Variants in BCL2L11 observed in about 807,000 individuals in gnomAD.
The protein encoded by BCL2L11 is bcl-2-like protein 11.
BCL2L11 carries 15 observed loss-of-function variants against 20.6 expected under a neutral mutation model. The ratio of observed to expected loss-of-function variants is 0.73; its 90% confidence interval spans 0.49 to 1.12. The LOEUF is 1.12. Ranked by LOEUF, BCL2L11 falls within the 50% of genes most tolerant of loss-of-function variation. BCL2L11 has a pLI of 0.00. For missense variants in BCL2L11, 292 were observed against 260.9 expected, an observed-to-expected ratio of 1.12 and a Z score of -0.82; for synonymous variants, 108 against 92.8, an observed-to-expected ratio of 1.16 and a Z score of -0.94.
chr2:111,139,286 TG>T (rs1363708860), intron 2 of BCL2L11, among the ~76,000 whole-genome samples: 1 of 152,194 alleles, frequency 6.6e-6, no homozygotes, highest in African/African-American at 2.4e-5. Flanking sequence ...ACCCCAGCGC[TG>T]TCTGAATTGG....
intron 2 of BCL2L11, among the ~76,000 whole-genome samples, chr2:111,127,214 T>C (rs532003958): frequency 6.6e-6 from 1 of 152,256 alleles, no homozygotes; most frequent in Admixed American, 6.5e-5. Context: ...AGTGCCTTTT[T>C]GGATGAGTGT....
intron 1 of BCL2L11, chr2:111,123,440 A>G (rs1037471030): frequency 1.0e-6 from 1 of 985,330 alleles, no homozygotes; most frequent in African/African-American, 1.7e-5. Flanking sequence ...AAGAGCACAC[A>G]CGAATAGACT....
rs1366036153 is a variant in BCL2L11, at chr2:111,146,280, A to G, written c.395-3764A>G. 3 of 955,136 alleles carry G rather than the reference A, an allele frequency of 3.1e-6. No individual in the cohort carries two copies. The African/African-American group carries it at 5.3e-5, about 17-fold the overall frequency. The allele number at this position is 955,136 out of a possible 1,614,324, so 59.2% of individuals were successfully genotyped here. ...CTTTCATTTCAAATAAAACCATTTT[A>G]TAGACCAGGTATCAACATTTACGGC... On this transcript the variant is annotated intron_variant, in intron 2 of 3. Coordinates refer to ENST00000393256, the MANE Select transcript of BCL2L11 (RefSeq NM_138621.5).
At position 111,161,583 on chromosome 2, in the gene BCL2L11, G is replaced by A. The variant is rs57293149; in HGVS notation, c.499-2550G>A. On this transcript the variant is annotated intron_variant, in intron 3 of 3. Coordinates refer to ENST00000393256, the MANE Select transcript of BCL2L11 (RefSeq NM_138621.5). Reference sequence around the variant, plus strand: ...TATTGTCTTAGCCCATGTTAGATGCGAGGAACCACTCACACTGCAAATGAC... The same window carrying A: ...TATTGTCTTAGCCCATGTTAGATGCAAGGAACCACTCACACTGCAAATGAC... 1.2e-3 allele frequency: 1,772 copies of A among 1,517,320 alleles called. 15 individuals carry two copies. In the African/African-American group the frequency reaches 0.014, roughly 12 times the overall value. The allele number at this position is 1,517,320 out of a possible 1,614,324, so 94.0% of individuals were successfully genotyped here.
At chr2:111,132,479 T>A (rs1333643273) in intron 2 of BCL2L11, among the ~76,000 whole-genome samples, 4 of 152,220 alleles carry the variant, frequency 2.6e-5, no homozygotes, top group Admixed American at 2.0e-4. Flanking sequence ...GCACATTTTT[T>A]TCTCCAGTTT....
At position 111,165,048 on chromosome 2, in the gene BCL2L11, G is replaced by C. The variant is rs1447279188; in HGVS notation, c.*817G>C. 6.6e-6 allele frequency: 1 copy of C among 152,222 alleles called. No homozygotes were observed. The highest frequency in any genetic ancestry group is 2.4e-5 in the African/African-American group (1 of 41,432). 9.4% of individuals were successfully genotyped at this position (152,222 alleles called of 1,614,324 possible). On this transcript the variant is annotated 3_prime_UTR_variant, in exon 4 of 4. Transcript: ENST00000393256. ...TTCATGATAAAGTGAAATTGAGTCA[G>C]AACAAGAGTTAATATCTGCCTGTAT...
chr2:111,147,076 TAAC>T (rs2076614853), intron 2 of BCL2L11, among the ~76,000 whole-genome samples: 1 of 152,200 alleles, frequency 6.6e-6, no homozygotes, highest in Non-Finnish European at 1.5e-5. Flanking sequence ...ATTTCCATAA[TAAC>T]TTTTTAAAAC....
chr2:111,137,017 T>C (rs1461382770), intron 2 of BCL2L11, among the ~76,000 whole-genome samples: 1 of 152,198 alleles, frequency 6.6e-6, no homozygotes, highest in Non-Finnish European at 1.5e-5. Context: ...GGTGTGACCA[T>C]AGGGCGTGCT....
chr2:111,146,540 C>T (rs1291730589), intron 2 of BCL2L11, among the ~76,000 whole-genome samples: 6 of 152,110 alleles, frequency 3.9e-5, no homozygotes, highest in Admixed American at 6.5e-5. Flanking sequence ...AAGACCATAC[C>T]GGTGGATCCC....
At chr2:111,133,327 AC>A (rs1280286287) in intron 2 of BCL2L11, among the ~76,000 whole-genome samples, 2 of 152,118 alleles carry the variant, frequency 1.3e-5, no homozygotes, top group African/African-American at 2.4e-5. Flanking sequence ...GTGGAGTCTT[AC>A]CCCCTTTCGC....
chr2:111,164,071 TC>T, intron 3 of BCL2L11, 61 bp from the exon 4 acceptor site: 1 of 664,734 alleles, frequency 1.5e-6, no homozygotes, highest in Non-Finnish European at 2.9e-6. Context: ...AAATATGGGC[TC>T]CCACCCCTCC....
At chr2:111,137,766 C>T (rs2075158870) in intron 2 of BCL2L11, among the ~76,000 whole-genome samples, 1 of 151,786 alleles carries the variant, frequency 6.6e-6, no homozygotes, top group Non-Finnish European at 1.5e-5. Context: ...CATTATTCTG[C>T]CCTTTTTTTG....
chr2:111,161,581 G>T (rs766502909), intron 3 of BCL2L11: 11 of 1,518,932 alleles, frequency 7.2e-6, no homozygotes, highest in Non-Finnish European at 9.7e-6. Context: ...CATGTTAGAT[G>T]CGAGGAACCA....
intron 2 of BCL2L11, among the ~76,000 whole-genome samples, chr2:111,140,106 G>C (rs1198825534): frequency 6.6e-6 from 1 of 152,222 alleles, no homozygotes; most frequent in African/African-American, 2.4e-5. Flanking sequence ...CGAACTTGGG[G>C]ATTTGGACAT....
chr2:111,132,817 A>G (rs1242876992), intron 2 of BCL2L11, among the ~76,000 whole-genome samples: 2 of 152,122 alleles, frequency 1.3e-5, no homozygotes, highest in Non-Finnish European at 2.9e-5. Flanking sequence ...AAGATCAGGA[A>G]CCTTGTAAGG....
intron 2 of BCL2L11, among the ~76,000 whole-genome samples, chr2:111,124,413 C>G (rs1339324328): frequency 2.6e-5 from 4 of 152,068 alleles, no homozygotes; most frequent in African/African-American, 9.7e-5. Context: ...ACCTCAGCCT[C>G]CAGAGTAGCT....
At chr2:111,147,092 C>T (rs931833952) in intron 2 of BCL2L11, among the ~76,000 whole-genome samples, 1 of 152,132 alleles carries the variant, frequency 6.6e-6, no homozygotes, top group Non-Finnish European at 1.5e-5. Context: ...TTTAAAACTA[C>T]ACCTAAGTAC....
In BCL2L11 at chr2:111,132,014, A is replaced by G. The variant is rs144816468; in HGVS notation, c.394+7875A>G. The G allele has an allele frequency of 1.3e-3, 201 of 152,334 alleles. 2 individuals carry two copies. The highest frequency in any genetic ancestry group is 4.5e-3 in the African/African-American group (187 of 41,564). 9.4% of individuals were successfully genotyped at this position (152,334 alleles called of 1,614,324 possible). On this transcript the variant is annotated intron_variant, in intron 2 of 3. Coordinates refer to ENST00000393256, the MANE Select transcript of BCL2L11 (RefSeq NM_138621.5). ...TCAGAAGTTAACACAGCAGATTAGC[A>G]TACAAGATGGAGTTGTTTGGCCTCC...
Position 111,150,040 on chromosome 2 carries a change from G to A in BCL2L11, c.395-4G>A, listed in dbSNP as rs1477219652. ...GATTTTTGTTTTGTTTTGTTCTGAT[G>A]CAGCTTCCATGAGGCAGGCTGAACC... On this transcript the variant is annotated splice_polypyrimidine_tract_variant and splice_region_variant and intron_variant, in intron 2 of 3. Transcript: ENST00000393256. 6.2e-7 allele frequency: 1 copy of A among 1,612,744 alleles called. No homozygotes were observed. Among genetic ancestry groups the A allele is most frequent in the Non-Finnish European group, 8.5e-7 (1 of 1,179,294 alleles).
Sources: allele counts gnomAD v4.1 joint callset (sites outside exome capture counted in the v4.1 genomes callset), GRCh38; gene constraint gnomAD v4.1.1; transcripts MANE v1.5; gene names NCBI Gene and HGNC (gene_info 2026-07-23, HGNC 2026-07-21).